Variants in MTMR7 observed in about 807,000 individuals in gnomAD.
MTMR7 encodes the protein myotubularin related protein 7.
A neutral mutation model predicts 81.2 loss-of-function variants in MTMR7; 76 were observed. The observed-to-expected ratio is 0.94, with a 90% CI of 0.78 to 1.13. MTMR7 has a LOEUF of 1.13. MTMR7 is among the 50% of genes most tolerant of loss of function. The pLI is 0.00. For missense variants in MTMR7, 1,044 were observed against 820.0 expected, an observed-to-expected ratio of 1.27 and a Z score of -3.34; for synonymous variants, 372 against 289.8, an observed-to-expected ratio of 1.28 and a Z score of -2.88.
intron 5 of MTMR7, among the ~76,000 whole-genome samples, 172 bp from the exon 6 acceptor site, chr8:17,341,669 C>T (rs1165251378): frequency 1.3e-5 from 2 of 152,188 alleles, no homozygotes; most frequent in African/African-American, 4.8e-5. Flanking sequence ...AAATTCAAGT[C>T]AAACCACTAA....
intron 7 of MTMR7, among the ~76,000 whole-genome samples, chr8:17,328,933 T>C (rs978571851): frequency 6.6e-6 from 1 of 152,060 alleles, no homozygotes; most frequent in East Asian, 1.9e-4. Flanking sequence ...AATTAGATCA[T>C]CTCTATAGAG....
chr8:17,364,018 A>ATTTTTTTTTTTTT (rs1257807634), intron 3 of MTMR7, among the ~76,000 whole-genome samples: 1 of 53,804 alleles, frequency 1.9e-5, no homozygotes, highest in African/African-American at 1.2e-4. Context: ...AAGTGTTGCT[A>ATTTTTTTTTTTTT]TTATTTTTTT....
intron 1 of MTMR7, among the ~76,000 whole-genome samples, chr8:17,410,794 C>T (rs918443287): frequency 1.3e-5 from 2 of 152,214 alleles, no homozygotes; most frequent in African/African-American, 4.8e-5. Flanking sequence ...ACACAGTCTA[C>T]AGCGAGTGAA....
At chr8:17,406,979 G>A (rs1019854087) in intron 1 of MTMR7, among the ~76,000 whole-genome samples, 3 of 152,110 alleles carry the variant, frequency 2.0e-5, no homozygotes, top group South Asian at 2.1e-4. Flanking sequence ...GAGACTGAAT[G>A]CCAATGGGTA....
At chr8:17,317,884 C>G (rs1319912180) in intron 7 of MTMR7, among the ~76,000 whole-genome samples, 2 of 152,168 alleles carry the variant, frequency 1.3e-5, no homozygotes, top group East Asian at 3.9e-4. Flanking sequence ...CCTCCTCTTT[C>G]AATCTCCCGT....
Position 17,373,219 on chromosome 8 carries a change from C to A in MTMR7, c.46G>T (p.Asp16Tyr). ...TPKVENVRLV[D>Y]RVSPKKAALG... The stretch of plus-strand genomic sequence containing the variant: ...GCTGCTTTTTTAGGAGACACTCGAT[C>A]TACCAAGCGGACATTTTCAACCTAG... Residue 16 changes from aspartate to tyrosine, a missense_variant, in exon 2 of 14, where the codon GAT becomes TAT. Transcript: ENST00000180173. The A allele has an allele frequency of 2.5e-6, 4 of 1,613,532 alleles. No homozygotes were observed. Among genetic ancestry groups the A allele is most frequent in the Non-Finnish European group, 2.5e-6 (3 of 1,179,736 alleles).
intron 9 of MTMR7, among the ~76,000 whole-genome samples, chr8:17,310,191 A>C (rs539066565): frequency 7.9e-5 from 12 of 151,734 alleles, no homozygotes; most frequent in South Asian, 2.1e-4. Context: ...TATAGAGACG[A>C]GGTCTCGCCA....
chr8:17,349,702 G>C (rs557955234), intron 4 of MTMR7, among the ~76,000 whole-genome samples: 1 of 152,292 alleles, frequency 6.6e-6, no homozygotes, highest in Non-Finnish European at 1.5e-5. Flanking sequence ...ATGTGCCACA[G>C]ATTACCGCGC....
chr8:17,349,697 C>A (rs1819666772), intron 4 of MTMR7, among the ~76,000 whole-genome samples: 1 of 152,166 alleles, frequency 6.6e-6, no homozygotes, highest in Admixed American at 6.5e-5. Flanking sequence ...TCCTAATGTG[C>A]CACAGATTAC....
intron 3 of MTMR7, among the ~76,000 whole-genome samples, chr8:17,367,807 A>G (rs1820275217): frequency 6.6e-6 from 1 of 151,768 alleles, no homozygotes; most frequent in Non-Finnish European, 1.5e-5. Context: ...CTCTGCTAAC[A>G]GCTGGAAACT....
At chr8:17,319,114 T>C (rs193125842) in intron 7 of MTMR7, among the ~76,000 whole-genome samples, 82 of 152,298 alleles carry the variant, frequency 5.4e-4, no homozygotes, top group African/African-American at 1.5e-3. Flanking sequence ...ATAATCATGA[T>C]ATACGCATGG....
At chr8:17,371,310 C>T (rs1820414069) in intron 2 of MTMR7, 111 bp from the exon 3 acceptor site, 4 of 1,235,222 alleles carry the variant, frequency 3.2e-6, no homozygotes, top group Non-Finnish European at 4.5e-6. Flanking sequence ...CCCCAACCTC[C>T]AGCTAGCTCA....
chr8:17,393,046 T>C (rs576342429), intron 1 of MTMR7, among the ~76,000 whole-genome samples: 3 of 152,282 alleles, frequency 2.0e-5, no homozygotes, highest in African/African-American at 7.2e-5. Flanking sequence ...GCTATAATAA[T>C]CAAGATTGTG....
chr8:17,408,346 G>A (rs527539278), intron 1 of MTMR7, among the ~76,000 whole-genome samples: 4 of 52,602 alleles, frequency 7.6e-5, no homozygotes, highest in African/African-American at 1.1e-4. Flanking sequence ...CCGAGATTGC[G>A]CCACTGCAGT....
chr8:17,351,116 C>T (rs772506942), intron 4 of MTMR7, among the ~76,000 whole-genome samples: 9 of 152,158 alleles, frequency 5.9e-5, no homozygotes, highest in Non-Finnish European at 1.0e-4. Flanking sequence ...GTCATTGCAC[C>T]AGACCAACAA....
intron 6 of MTMR7, among the ~76,000 whole-genome samples, chr8:17,340,278 T>C (rs1819366132): frequency 6.6e-6 from 1 of 152,206 alleles, no homozygotes; most frequent in African/African-American, 2.4e-5. Context: ...AGATTAAACA[T>C]AATTTCTCTA....
chr8:17,359,485 G>C (rs1236705709), intron 4 of MTMR7, among the ~76,000 whole-genome samples: 1 of 151,286 alleles, frequency 6.6e-6, no homozygotes, highest in African/African-American at 2.4e-5. Flanking sequence ...TGTAATCTTA[G>C]CTACTCAGGT....
intron 5 of MTMR7, among the ~76,000 whole-genome samples, chr8:17,348,047 G>C (rs1819612051): frequency 6.6e-6 from 1 of 152,136 alleles, no homozygotes; most frequent in Non-Finnish European, 1.5e-5. Context: ...CAGGCTACCA[G>C]GCTAGGACTG....
chr8:17,305,201 G>A (rs899470076), intron 11 of MTMR7, among the ~76,000 whole-genome samples: 3 of 152,122 alleles, frequency 2.0e-5, no homozygotes, highest in African/African-American at 7.2e-5. Flanking sequence ...TGATAATGTT[G>A]TATACACCAT....
Sources: gnomAD v4.1 joint callset for allele counts (sites outside exome capture counted in the v4.1 genomes callset) on GRCh38, gnomAD v4.1.1 for gene constraint, MANE v1.5 for transcripts, NCBI Gene and HGNC (gene_info 2026-07-23, HGNC 2026-07-21) for gene names.